The following TAPT1 variants were observed in gnomAD, a reference collection of about 807,000 sequenced individuals.
The protein encoded by TAPT1 is transmembrane anterior posterior transformation 1.
TAPT1 carries 28 observed loss-of-function variants against 65.6 expected under a neutral mutation model. The ratio of observed to expected loss-of-function variants is 0.43; its 90% confidence interval spans 0.32 to 0.59. The LOEUF is 0.59. TAPT1 is among the 20% of genes least tolerant of loss of function. The probability of loss-of-function intolerance (pLI) is 0.09; values close to 1 mark genes in which losing one functional copy is unlikely to be tolerated. For missense variants in TAPT1, 563 were observed against 679.9 expected (o/e 0.83, Z 1.91); for synonymous variants, 278 against 245.2 (o/e 1.13, Z -1.25).
chr4:16,207,525 CCTCACAGGCAAA>C (rs1263724158), intron 2 of TAPT1, among the ~76,000 whole-genome samples: 8 of 152,184 alleles, frequency 5.3e-5, no homozygotes, highest in African/African-American at 1.9e-4. Flanking sequence ...CCTCACCATT[CCTCACAGGCAAA>C]CTCATTCAAT....
Position 16,166,991 on chromosome 4 carries a change from CTTTTTTTTTTT to C in TAPT1, c.1314-209_1314-199del, listed in dbSNP as rs5856341. 6.2e-5 allele frequency: 10 copies of C among 160,676 alleles called. 1 individual carries two copies. The highest frequency in any genetic ancestry group is 3.6e-4 in the South Asian group (4 of 10,962). The allele number at this position is 160,676 out of a possible 1,614,324, so 10.0% of individuals were successfully genotyped here. ...AAAAACTTCGGAATTCCTTAGTTCT[CTTTTTTTTTTT>C]TTTTTTTTTTGAGACAGAGTCTCAC... On this transcript the variant is annotated intron_variant, in intron 12 of 13. Coordinates refer to ENST00000405303, the MANE Select transcript of TAPT1 (RefSeq NM_153365.3).
At position 16,162,426 on chromosome 4, in the gene TAPT1, A is replaced by G. The variant is rs1020049545; in HGVS notation, c.*882T>C. ...CAGTTTTGAATTTTGTACATTGACAATTTTTCAGCCTGTTCAACATCGAAT... is the reference window on the plus strand; with the variant it reads ...CAGTTTTGAATTTTGTACATTGACAGTTTTTCAGCCTGTTCAACATCGAAT... On this transcript the variant is annotated 3_prime_UTR_variant, in exon 14 of 14. Transcript: ENST00000405303. 10 of 152,740 alleles carry G rather than the reference A, an allele frequency of 6.5e-5. No homozygotes were observed. The highest frequency in any genetic ancestry group is 2.2e-4 in the African/African-American group (9 of 41,450). 9.5% of individuals were successfully genotyped at this position (152,740 alleles called of 1,614,324 possible).
chr4:16,227,385 C>T (rs1326327618), upstream of TAPT1: 1 of 446,324 alleles, frequency 2.2e-6, no homozygotes, highest in South Asian at 1.6e-5. Context: ...GGTGTCGAGA[C>T]CACCACCAGC....
intron 3 of TAPT1, among the ~76,000 whole-genome samples, chr4:16,197,287 T>C (rs1241743746): frequency 6.6e-6 from 1 of 152,222 alleles, no homozygotes; most frequent in East Asian, 1.9e-4. Flanking sequence ...TTTTAGTTGC[T>C]CTAATAGTAA....
chr4:16,183,865 T>C (rs1236520969), intron 7 of TAPT1, among the ~76,000 whole-genome samples: 1 of 152,204 alleles, frequency 6.6e-6, no homozygotes. Flanking sequence ...GCAGCAAGAA[T>C]ATGAACTGCT....
chr4:16,191,631 T>A, intron 3 of TAPT1, 108 bp from the exon 4 acceptor site: 1 of 1,194,406 alleles, frequency 8.4e-7, no homozygotes, highest in South Asian at 1.8e-5. Context: ...AAAATAAGAA[T>A]TATGTTGATC....
intron 8 of TAPT1, 123 bp downstream of exon 8, chr4:16,179,454 C>T (rs749415164): frequency 1.6e-4 from 93 of 568,188 alleles, no homozygotes; most frequent in Admixed American, 1.9e-4. Flanking sequence ...TCACCAATAC[C>T]CAAACAGTAA....
intron 3 of TAPT1, among the ~76,000 whole-genome samples, chr4:16,198,658 A>G (rs1456939875): frequency 6.6e-6 from 1 of 152,224 alleles, no homozygotes; most frequent in East Asian, 1.9e-4. Context: ...AGACTGAAGG[A>G]AAGAGCACTT....
At chr4:16,185,037 G>C (rs1231623791) in intron 7 of TAPT1, among the ~76,000 whole-genome samples, 2 of 152,056 alleles carry the variant, frequency 1.3e-5, no homozygotes, top group Non-Finnish European at 2.9e-5. Context: ...TGTTTGCCTA[G>C]ACCAAGGTTG....
chr4:16,223,907 T>A (rs1751402419), intron 1 of TAPT1, among the ~76,000 whole-genome samples: 1 of 152,132 alleles, frequency 6.6e-6, no homozygotes. Context: ...GTCTTACCTG[T>A]AGGAGCCCTA....
chr4:16,181,682 C>T (rs1477728586), intron 7 of TAPT1, among the ~76,000 whole-genome samples: 2 of 152,218 alleles, frequency 1.3e-5, no homozygotes, highest in Admixed American at 6.5e-5. Flanking sequence ...ATTCTCCTGT[C>T]TCAGCCTCCG....
intron 12 of TAPT1, among the ~76,000 whole-genome samples, chr4:16,167,261 G>A (rs969917104): frequency 1.3e-5 from 2 of 152,088 alleles, no homozygotes; most frequent in South Asian, 4.1e-4. Flanking sequence ...AAAGTGCTGG[G>A]ATTACAGGTG....
chr4:16,206,067 C>T lies in TAPT1; in HGVS notation c.331-3487G>A, dbSNP rs141463754. Among the ~76,000 whole-genome samples, 276 of 152,298 alleles carry T rather than the reference C, an allele frequency of 1.8e-3. 1 individual carries two copies. Among genetic ancestry groups the T allele is most frequent in the African/African-American group, 6.4e-3 (264 of 41,560 alleles). On this transcript the variant is annotated intron_variant, in intron 2 of 13. Transcript: ENST00000405303. ...ATATCAATAAGAAAACTATAAATGACTGACTTTGAAAGCAATTACTGCAGA... is the reference window on the plus strand; with the variant it reads ...ATATCAATAAGAAAACTATAAATGATTGACTTTGAAAGCAATTACTGCAGA...
intron 5 of TAPT1, 63 bp from the exon 6 acceptor site, chr4:16,186,941 A>G: frequency 1.1e-6 from 1 of 899,128 alleles, no homozygotes. Context: ...AATACTATAA[A>G]ATTTTGAAAG....
chr4:16,174,667 C>T lies in TAPT1; in HGVS notation c.1167+3G>A. The T allele has an allele frequency of 6.3e-7, 1 of 1,588,726 alleles. No individual in the cohort carries two copies. ...TCAGACTACGCCCTTGATAAATGCT[C>T]ACATTTTTCTGTCGGCTGCTAACAA... On this transcript the variant is annotated splice_donor_region_variant and intron_variant, in intron 10 of 13. Coordinates refer to ENST00000405303, the MANE Select transcript of TAPT1 (RefSeq NM_153365.3).
chr4:16,207,154 G>C (rs1161942731), intron 2 of TAPT1, among the ~76,000 whole-genome samples: 3 of 152,234 alleles, frequency 2.0e-5, no homozygotes, highest in African/African-American at 7.2e-5. Flanking sequence ...TCACCAGCAA[G>C]AGCTGCATTA....
chr4:16,162,704 A>AT lies in TAPT1; in HGVS notation c.*603dup, dbSNP rs33966438. 0.68 allele frequency: 104,999 copies of AT among 155,518 alleles called. 35,660 individuals carry two copies. Among genetic ancestry groups the AT allele is most frequent in the Middle Eastern group, 0.71 (209 of 294 alleles). The allele number at this position is 155,518 out of a possible 1,614,324, so 9.6% of individuals were successfully genotyped here. Reference sequence around the variant, plus strand: ...TTTTTAATAAATAAACTAGTTTAGCATTTTTTTTTAACCCTACAAAATGCT... The same window carrying AT: ...TTTTTAATAAATAAACTAGTTTAGCATTTTTTTTTTAACCCTACAAAATGCT... On this transcript the variant is annotated 3_prime_UTR_variant, in exon 14 of 14. Transcript: ENST00000405303.
rs1245540275 is a variant in TAPT1, at chr4:16,182,266, T to C, written c.917-2609A>G. Among the ~76,000 whole-genome samples, 5 of 152,242 alleles carry C rather than the reference T, an allele frequency of 3.3e-5. No individual in the cohort carries two copies. The South Asian group carries it at 1.0e-3, about 31-fold the overall frequency. On this transcript the variant is annotated intron_variant, in intron 7 of 13. Transcript: ENST00000405303. ...TTTTTATGAGAATAACAGAGTCTGA[T>C]ACTGATAATCAAACATATATTAGAT... is the stretch of plus-strand genomic sequence containing the variant.
At chr4:16,192,265 G>A (rs1373112) in intron 3 of TAPT1, among the ~76,000 whole-genome samples, 57,586 of 152,052 alleles carry the variant, frequency 0.38, 11,100 homozygotes, top group Middle Eastern at 0.53. Context: ...CACTGATACA[G>A]TGTTTGATCA....
Sources: allele counts gnomAD v4.1 joint callset (sites outside exome capture counted in the v4.1 genomes callset), GRCh38; gene constraint gnomAD v4.1.1; transcripts MANE v1.5; gene names NCBI Gene and HGNC (gene_info 2026-07-23, HGNC 2026-07-21).